Variants in PPIL4 observed in about 807,000 individuals in gnomAD.
PPIL4 encodes peptidylprolyl isomerase like 4.
Under a neutral mutation model 69.1 loss-of-function variants are expected in PPIL4, and 50 were observed. That is an observed-to-expected ratio of 0.72 (90% CI 0.58 to 0.92). The LOEUF (loss-of-function observed/expected upper bound fraction) is 0.92. PPIL4 is among the 40% of genes least tolerant of loss of function. The pLI is 0.00. For missense variants in PPIL4, 480 were observed against 587.9 expected, an observed-to-expected ratio of 0.82 and a Z score of 1.90; for synonymous variants, 193 against 191.6, an observed-to-expected ratio of 1.01 and a Z score of -0.06.
intron 5 of PPIL4, 93 bp downstream of exon 5, chr6:149,535,503 C>A: frequency 1.2e-6 from 1 of 823,346 alleles, no homozygotes; most frequent in South Asian, 2.3e-5. Flanking sequence ...AGAAACCAGT[C>A]CTATGCATAC....
chr6:149,530,578 A>C (rs1304944063), intron 7 of PPIL4, among the ~76,000 whole-genome samples: 4 of 151,646 alleles, frequency 2.6e-5, no homozygotes, highest in Non-Finnish European at 5.9e-5. Flanking sequence ...AGAATCGCTT[A>C]AACCTGGGAG....
At position 149,504,507 on chromosome 6, in the gene PPIL4, A is replaced by C. The variant is rs1423692465; in HGVS notation, c.*946T>G. Among the ~76,000 whole-genome samples the C allele has an allele frequency of 6.6e-6, 1 of 152,228 alleles. No individual in the cohort carries two copies. Among genetic ancestry groups the C allele is most frequent in the African/African-American group, 2.4e-5 (1 of 41,452 alleles). Reference sequence around the variant, plus strand: ...AAACTACAGCAAGCACATCATAATCAAACTTCTTACAACCAGTGACAGAAA... The same window carrying C: ...AAACTACAGCAAGCACATCATAATCCAACTTCTTACAACCAGTGACAGAAA... On this transcript the variant is annotated 3_prime_UTR_variant, in exon 13 of 13. Transcript: ENST00000253329.
intron 10 of PPIL4, among the ~76,000 whole-genome samples, chr6:149,520,194 T>C (rs1163825556): frequency 1.3e-5 from 2 of 152,192 alleles, no homozygotes; most frequent in Non-Finnish European, 2.9e-5. Context: ...TCCTTTGTTT[T>C]ATATTTTCCT....
chr6:149,535,786 C>G, intron 4 of PPIL4, 48 bp from the exon 5 acceptor site: 1 of 1,370,888 alleles, frequency 7.3e-7, no homozygotes, highest in South Asian at 1.4e-5. Flanking sequence ...ATACATAACT[C>G]AAACTGAAAT....
intron 12 of PPIL4, among the ~76,000 whole-genome samples, chr6:149,511,358 T>C (rs994752036): frequency 6.6e-6 from 1 of 151,964 alleles, no homozygotes; most frequent in African/African-American, 2.4e-5. Flanking sequence ...AGCTCCCAAG[T>C]AGCTGAGACC....
In PPIL4 at chr6:149,530,963, C is replaced by T. The variant is rs114829266; in HGVS notation, c.678+2495G>A. Among the ~76,000 whole-genome samples, 799 of 152,302 alleles carry T rather than the reference C, an allele frequency of 5.2e-3. 5 individuals carry two copies. Among genetic ancestry groups the T allele is most frequent in the African/African-American group, 0.018 (728 of 41,578 alleles). On this transcript the variant is annotated intron_variant, in intron 7 of 12. Coordinates refer to ENST00000253329, the MANE Select transcript of PPIL4 (RefSeq NM_139126.4). ...TCATCTTCCAATGAATATCGTACACCTCCAGATGTGACCTCTGAGGACACA... is the reference window on the plus strand; with the variant it reads ...TCATCTTCCAATGAATATCGTACACTTCCAGATGTGACCTCTGAGGACACA...
intron 1 of PPIL4, among the ~76,000 whole-genome samples, chr6:149,543,601 T>C (rs1373438835): frequency 1.3e-5 from 2 of 152,202 alleles, no homozygotes; most frequent in African/African-American, 2.4e-5. Flanking sequence ...TTTACAACTT[T>C]TTCTCTTTCC....
chr6:149,532,350 T>G (rs1777212126), intron 7 of PPIL4, among the ~76,000 whole-genome samples: 1 of 152,238 alleles, frequency 6.6e-6, no homozygotes, highest in African/African-American at 2.4e-5. Context: ...AAAGTGTTGC[T>G]GTGGAAAAGT....
chr6:149,541,179 ACT>A (rs1777354411), intron 3 of PPIL4, 120 bp from the exon 4 acceptor site: 1 of 586,498 alleles, frequency 1.7e-6, no homozygotes, highest in Non-Finnish European at 2.7e-6. Flanking sequence ...TCAAAATATT[ACT>A]TTTTTTTTTT....
chr6:149,527,014 T>C (rs888986379), intron 7 of PPIL4, among the ~76,000 whole-genome samples: 1 of 152,204 alleles, frequency 6.6e-6, no homozygotes, highest in Non-Finnish European at 1.5e-5. Context: ...GCTTGGAGCT[T>C]CAGATCTATT....
chr6:149,530,842 G>A (rs1405246879), intron 7 of PPIL4, among the ~76,000 whole-genome samples: 2 of 152,098 alleles, frequency 1.3e-5, no homozygotes, highest in Non-Finnish European at 2.9e-5. Flanking sequence ...ATTTGACAAG[G>A]AACAAGACAT....
intron 1 of PPIL4, 32 bp from the exon 2 acceptor site, chr6:149,541,618 G>C: frequency 8.6e-7 from 1 of 1,167,058 alleles, no homozygotes; most frequent in Non-Finnish European, 1.3e-6. Context: ...ATTTATCACA[G>C]TAATCCACAA....
chr6:149,522,070 A>T (rs1777037958), intron 9 of PPIL4, among the ~76,000 whole-genome samples: 1 of 152,218 alleles, frequency 6.6e-6, no homozygotes, highest in African/African-American at 2.4e-5. Flanking sequence ...ATATAGACAA[A>T]GCTTGATTCG....
At chr6:149,537,435 C>T (rs956696776) in intron 4 of PPIL4, among the ~76,000 whole-genome samples, 5 of 151,986 alleles carry the variant, frequency 3.3e-5, no homozygotes, top group East Asian at 1.9e-4. Flanking sequence ...CGGCCGGGCG[C>T]GGTGGCTCAC....
At chr6:149,512,473 GTC>G (rs1776867940) in intron 11 of PPIL4, among the ~76,000 whole-genome samples, 171 bp from the exon 12 acceptor site, 3 of 152,030 alleles carry the variant, frequency 2.0e-5, no homozygotes, top group Non-Finnish European at 4.4e-5. Flanking sequence ...TCATTATATA[GTC>G]AGGAGAAATG....
chr6:149,518,930 T>C (rs572064208), intron 10 of PPIL4, among the ~76,000 whole-genome samples: 3 of 152,306 alleles, frequency 2.0e-5, no homozygotes, highest in South Asian at 4.1e-4. Context: ...TAAAGGAAAG[T>C]TCTTAGTGCT....
chr6:149,541,963 A>C (rs1777370891), intron 1 of PPIL4, among the ~76,000 whole-genome samples: 1 of 152,120 alleles, frequency 6.6e-6, no homozygotes, highest in Admixed American at 6.5e-5. Flanking sequence ...GCAGTGAACC[A>C]AGATCGCACC....
At chr6:149,540,552 T>C (rs1030210008) in intron 4 of PPIL4, among the ~76,000 whole-genome samples, 1 of 152,056 alleles carries the variant, frequency 6.6e-6, no homozygotes, top group Non-Finnish European at 1.5e-5. Flanking sequence ...GAGGGAGAGG[T>C]TGCAGTGAGC....
At chr6:149,544,632 AG>A (rs1777411768) in intron 1 of PPIL4, among the ~76,000 whole-genome samples, 1 of 152,210 alleles carries the variant, frequency 6.6e-6, no homozygotes, top group African/African-American at 2.4e-5. Flanking sequence ...CTGCTTAGAA[AG>A]GAGGGAGAGC....
Sources: allele counts gnomAD v4.1 joint callset (sites outside exome capture counted in the v4.1 genomes callset), GRCh38; gene constraint gnomAD v4.1.1; transcripts MANE v1.5; gene names NCBI Gene and HGNC (gene_info 2026-07-23, HGNC 2026-07-21).